Variants in NCKAP5 observed in about 807,000 individuals in gnomAD.
NCKAP5 encodes nck-associated protein 5.
In NCKAP5, 92 loss-of-function variants were observed where a neutral mutation model predicts 167.0. That is an observed-to-expected ratio of 0.55 (90% CI 0.47 to 0.66). The LOEUF (loss-of-function observed/expected upper bound fraction) is 0.66, where lower values mean the gene tolerates loss of function less well. NCKAP5 is among the 30% of genes least tolerant of loss of function. The pLI, the probability that NCKAP5 is intolerant of heterozygous loss-of-function variation, is 0.00. For synonymous variants in NCKAP5, 891 were observed against 877.4 expected, an observed-to-expected ratio of 1.02 and a Z score of -0.27; for missense variants, 2,378 against 2,315.0, an observed-to-expected ratio of 1.03 and a Z score of -0.56.
chr2:132,989,189 A>T (rs1573650546), intron 7 of NCKAP5, among the ~76,000 whole-genome samples: 1 of 152,314 alleles, frequency 6.6e-6, no homozygotes, highest in Admixed American at 6.5e-5. Flanking sequence ...TTTGCATCTT[A>T]CTCAGGCTGT....
intron 7 of NCKAP5, among the ~76,000 whole-genome samples, chr2:132,972,853 C>T (rs1327577268): frequency 6.7e-6 from 1 of 148,280 alleles, no homozygotes; most frequent in East Asian, 2.0e-4. Flanking sequence ...CACAGTGAGA[C>T]TCCATCTCCA....
chr2:133,127,994 A>G (rs2082458086), intron 6 of NCKAP5, among the ~76,000 whole-genome samples: 1 of 152,196 alleles, frequency 6.6e-6, no homozygotes, highest in African/African-American at 2.4e-5. Context: ...GGAGTCATCC[A>G]TCCTTCTTGT....
chr2:133,549,044 C>T (rs1474471111), intron 2 of NCKAP5, among the ~76,000 whole-genome samples: 2 of 151,220 alleles, frequency 1.3e-5, no homozygotes, highest in Non-Finnish European at 1.5e-5. Flanking sequence ...ATCTACCAAG[C>T]AAATGGAAAA....
chr2:133,633,089 T>C, the NCKAP5 span, among the ~76,000 whole-genome samples: 549 of 152,272 alleles, frequency 3.6e-3, 3 homozygotes, highest in African/African-American at 0.013. Flanking sequence ...ATTTTCTCTG[T>C]TACATACCCA....
At chr2:133,616,035 C>T in the NCKAP5 span, among the ~76,000 whole-genome samples, 1 of 150,726 alleles carries the variant, frequency 6.6e-6, no homozygotes, top group African/African-American at 2.4e-5. Context: ...ACTGAACAAC[C>T]TGCTCCTGAA....
At chr2:132,956,344 C>T (rs966904743) in intron 8 of NCKAP5, among the ~76,000 whole-genome samples, 5 of 152,170 alleles carry the variant, frequency 3.3e-5, no homozygotes, top group African/African-American at 1.2e-4. Flanking sequence ...TCAATCCTGG[C>T]TGTGCATCTG....
At chr2:133,318,160 A>G (rs1681748086) in intron 3 of NCKAP5, among the ~76,000 whole-genome samples, 2 of 152,206 alleles carry the variant, frequency 1.3e-5, no homozygotes, top group Admixed American at 6.5e-5. Flanking sequence ...TTTCAGGAGA[A>G]TCATGCCTCA....
At chr2:132,952,124 A>C (rs1006922796) in intron 8 of NCKAP5, among the ~76,000 whole-genome samples, 3 of 152,210 alleles carry the variant, frequency 2.0e-5, no homozygotes. Flanking sequence ...CTCTGTGAAA[A>C]AAAACAAGGC....
Position 133,226,640 on chromosome 2 carries a change from C to CACAG in NCKAP5, c.144-12862_144-12861insCTGT, listed in dbSNP as rs933689015. Among the ~76,000 whole-genome samples, 747 of 150,788 alleles carry CACAG rather than the reference C, an allele frequency of 5.0e-3. 7 individuals carry two copies. The highest frequency in any genetic ancestry group is 0.017 in the African/African-American group (710 of 40,936). ...ACACACACACACACACACACACACA[C>CACAG]AGGAAGAACACCATGTGAAGATGAA... On this transcript the variant is annotated intron_variant, in intron 4 of 19. Transcript: ENST00000409261.
At chr2:133,638,268 G>T in the NCKAP5 span, among the ~76,000 whole-genome samples, 1 of 152,110 alleles carries the variant, frequency 6.6e-6, no homozygotes, top group Admixed American at 6.5e-5. Context: ...GCAGCACAAA[G>T]CAATATGACA....
intron 4 of NCKAP5, among the ~76,000 whole-genome samples, chr2:133,220,952 G>T (rs2086635645): frequency 6.6e-6 from 1 of 152,124 alleles, no homozygotes; most frequent in South Asian, 2.1e-4. Context: ...ATGCCCTGAT[G>T]GAAGAGCAGC....
intron 8 of NCKAP5, among the ~76,000 whole-genome samples, chr2:132,923,015 T>A (rs1168121471): frequency 6.6e-6 from 1 of 152,222 alleles, no homozygotes; most frequent in African/African-American, 2.4e-5. Context: ...AGTCCACCTT[T>A]TTTTTAGCAT....
At chr2:133,393,479 G>A (rs150372934) in intron 3 of NCKAP5, among the ~76,000 whole-genome samples, 13 of 152,262 alleles carry the variant, frequency 8.5e-5, no homozygotes, top group African/African-American at 3.1e-4. Flanking sequence ...AAAAATTCTT[G>A]CAGTTTTAAT....
chr2:133,010,091 T>C (rs2078104646), intron 6 of NCKAP5, among the ~76,000 whole-genome samples: 1 of 148,350 alleles, frequency 6.7e-6, no homozygotes, highest in African/African-American at 2.5e-5. Context: ...AATAAATAAA[T>C]AAAAAAAACA....
chr2:132,727,387 C>T (rs1308202689), intron 18 of NCKAP5, among the ~76,000 whole-genome samples: 1 of 152,202 alleles, frequency 6.6e-6, no homozygotes, highest in Non-Finnish European at 1.5e-5. Context: ...CTCCCAAAGC[C>T]AGCACAGAGT....
At chr2:132,701,069 A>G (rs546087257) in intron 19 of NCKAP5, among the ~76,000 whole-genome samples, 1 of 152,156 alleles carries the variant, frequency 6.6e-6, no homozygotes, top group African/African-American at 2.4e-5. Context: ...GATAAATACA[A>G]TAAGTATTAC....
chr2:132,794,648 T>TACACACACACACAC (rs4057986), intron 12 of NCKAP5, among the ~76,000 whole-genome samples: 4,651 of 142,506 alleles, frequency 0.033, 115 homozygotes, highest in Middle Eastern at 0.054. Flanking sequence ...CAACAACAAA[T>TACACACACACACAC]ACACACACAC....
At chr2:133,038,749 AT>A (rs2079115489) in intron 6 of NCKAP5, among the ~76,000 whole-genome samples, 1 of 152,166 alleles carries the variant, frequency 6.6e-6, no homozygotes, top group African/African-American at 2.4e-5. Flanking sequence ...ATTGATATAT[AT>A]ATACCTACTA....
intron 3 of NCKAP5, among the ~76,000 whole-genome samples, chr2:133,509,497 T>G (rs1044895620): frequency 6.6e-6 from 1 of 152,074 alleles, no homozygotes; most frequent in African/African-American, 2.4e-5. Context: ...AGCACCCCCA[T>G]GACTGTGTAT....
Sources: gnomAD v4.1 joint callset for allele counts (sites outside exome capture counted in the v4.1 genomes callset) on GRCh38, gnomAD v4.1.1 for gene constraint, MANE v1.5 for transcripts, NCBI Gene and HGNC (gene_info 2026-07-23, HGNC 2026-07-21) for gene names.